Variants in KIF26B observed in about 807,000 individuals in gnomAD.
The protein encoded by KIF26B is kinesin family member 26B.
A neutral mutation model predicts 151.2 loss-of-function variants in KIF26B; 63 were observed. The ratio of observed to expected loss-of-function variants is 0.42; its 90% CI spans 0.34 to 0.51. The LOEUF (loss-of-function observed/expected upper bound fraction) is 0.51, where lower values mean the gene tolerates loss of function less well. Ranked by LOEUF, KIF26B falls within the 20% of genes least tolerant of loss-of-function variation. The pLI is 0.07. For missense variants in KIF26B, 2,813 were observed against 2,913.6 expected, an observed-to-expected ratio of 0.97 and a Z score of 0.79; for synonymous variants, 1,357 against 1,262.1, an observed-to-expected ratio of 1.08 and a Z score of -1.59.
chr1:245,492,806 A>T (rs10924214), intron 4 of KIF26B, among the ~76,000 whole-genome samples: 4 of 152,206 alleles, frequency 2.6e-5, no homozygotes, highest in African/African-American at 7.2e-5. Context: ...TTGGAGATGG[A>T]GTCTTGCTCT....
At chr1:245,450,503 T>C (rs1659363739) in intron 4 of KIF26B, among the ~76,000 whole-genome samples, 1 of 152,244 alleles carries the variant, frequency 6.6e-6, no homozygotes, top group Admixed American at 6.5e-5. Context: ...TTTAGGGTAC[T>C]GTCCAGCCAG....
intron 2 of KIF26B, among the ~76,000 whole-genome samples, chr1:245,251,035 A>C (rs1327241373): frequency 6.6e-6 from 1 of 152,210 alleles, no homozygotes; most frequent in African/African-American, 2.4e-5. Context: ...CCAGTCACAT[A>C]GGACACACTT....
chr1:245,629,571 T>C (rs2043758504), intron 9 of KIF26B, among the ~76,000 whole-genome samples: 1 of 152,182 alleles, frequency 6.6e-6, no homozygotes, highest in African/African-American at 2.4e-5. Flanking sequence ...ACCCCTTCCT[T>C]ACACCTTATA....
chr1:245,271,627 A>G (rs1444736826), intron 2 of KIF26B, among the ~76,000 whole-genome samples: 1 of 121,980 alleles, frequency 8.2e-6, no homozygotes, highest in African/African-American at 3.1e-5. Flanking sequence ...TATTATTTTT[A>G]TCTTTCAGTC....
intron 4 of KIF26B, among the ~76,000 whole-genome samples, chr1:245,538,879 A>G (rs770212021): frequency 3.3e-5 from 5 of 152,130 alleles, no homozygotes; most frequent in South Asian, 4.1e-4. Context: ...CCTTGTGCCA[A>G]TGACTGACCT....
chr1:245,574,036 G>A (rs1470470226), intron 5 of KIF26B, among the ~76,000 whole-genome samples: 1 of 152,214 alleles, frequency 6.6e-6, no homozygotes, highest in Non-Finnish European at 1.5e-5. Flanking sequence ...CTCAAACCTT[G>A]GAAAACAAAA....
chr1:245,410,700 T>A (rs1421232066), intron 3 of KIF26B, among the ~76,000 whole-genome samples: 1 of 152,214 alleles, frequency 6.6e-6, no homozygotes, highest in Non-Finnish European at 1.5e-5. Flanking sequence ...TCTGTCTGCC[T>A]CGGCCCCCCA....
rs577826401 is a variant in KIF26B, at chr1:245,227,197, C to T, written c.465+70514C>T. The stretch of plus-strand genomic sequence containing the variant: ...GTGTGTCTGTCTGGTTGAGCTGAAA[C>T]GTGGGCAGATCAGAAAGGAAGGAAA... On this transcript the variant is annotated intron_variant, in intron 2 of 14. Transcript: ENST00000407071. This position sits in a 1 kb window ranked among gnomAD's most constrained non-coding sequence, Gnocchi z 4.1. Among the ~76,000 whole-genome samples the T allele has an allele frequency of 3.8e-4, 58 of 152,226 alleles. No individual in the cohort carries two copies. The highest frequency in any genetic ancestry group is 1.1e-3 in the African/African-American group (46 of 41,532).
At chr1:245,320,555 G>C (rs1160631860) in intron 2 of KIF26B, among the ~76,000 whole-genome samples, 2 of 152,298 alleles carry the variant, frequency 1.3e-5, no homozygotes, top group South Asian at 2.1e-4. Flanking sequence ...AATGAATAAA[G>C]ACCCAGTGAT....
chr1:245,512,150 A>C lies in KIF26B; in HGVS notation c.1167-28617A>C, dbSNP rs1660852285. Among the ~76,000 whole-genome samples the C allele has an allele frequency of 6.6e-6, 1 of 152,212 alleles. No individual in the cohort carries two copies. Among genetic ancestry groups the C allele is most frequent in the South Asian group, 2.1e-4 (1 of 4,828 alleles). ...TAATGCAGCTATTTCTGGCTTCTTA[A>C]AACTTGCATAGATTTGGAAGTGGGA... On this transcript the variant is annotated intron_variant, in intron 4 of 14. Coordinates refer to ENST00000407071, the MANE Select transcript of KIF26B (RefSeq NM_018012.4). This position sits in a 1 kb window ranked among gnomAD's most constrained non-coding sequence, Gnocchi z 4.3.
At chr1:245,506,131 C>T (rs1373877620) in intron 4 of KIF26B, among the ~76,000 whole-genome samples, 1 of 152,092 alleles carries the variant, frequency 6.6e-6, no homozygotes, top group Non-Finnish European at 1.5e-5. Flanking sequence ...ATGGTATTTT[C>T]CTATAAGCGG....
At chr1:245,254,448 G>A (rs1054488906) in intron 2 of KIF26B, among the ~76,000 whole-genome samples, 5 of 152,098 alleles carry the variant, frequency 3.3e-5, no homozygotes, top group African/African-American at 1.2e-4. Context: ...TGGGGGAGGA[G>A]GGCTTTCCTT....
chr1:245,453,343 T>C (rs1441900514), intron 4 of KIF26B, among the ~76,000 whole-genome samples: 1 of 152,176 alleles, frequency 6.6e-6, no homozygotes, highest in Non-Finnish European at 1.5e-5. Flanking sequence ...TGTCTTTATA[T>C]AAAATATAAA....
At chr1:245,666,874 CACAGCTA>C (rs751261181) in intron 10 of KIF26B, among the ~76,000 whole-genome samples, 22 of 152,156 alleles carry the variant, frequency 1.4e-4, no homozygotes, top group Non-Finnish European at 1.9e-4. Context: ...GTAACCCAGA[CACAGCTA>C]ACAGCGGGGT....
rs1170311820 is a variant in KIF26B at position 245,337,434 on chromosome 1, G to A, written c.466-29400G>A. Among the ~76,000 whole-genome samples, 3 of 151,828 alleles carry A rather than the reference G, an allele frequency of 2.0e-5. No individual in the cohort carries two copies. The South Asian group carries it at 6.3e-4, about 32-fold the overall frequency. ...TGACTTCAAGTGATCCATCCACCTC[G>A]GCCTCCCAAAGTGCTGGGATTACAT... On this transcript the variant is annotated intron_variant, in intron 2 of 14. Transcript: ENST00000407071.
At chr1:245,571,242 TG>T (rs1213102700) in intron 5 of KIF26B, among the ~76,000 whole-genome samples, 6 of 152,224 alleles carry the variant, frequency 3.9e-5, no homozygotes, top group Non-Finnish European at 8.8e-5. Context: ...ATGTTAGTGA[TG>T]TACCTAAGGG....
chr1:245,436,890 C>CTTTTTT lies in KIF26B; in HGVS notation c.1166+17158_1166+17163dup, dbSNP rs539810099. On this transcript the variant is annotated intron_variant, in intron 4 of 14. Transcript: ENST00000407071. ...CTTCTCTCTCTCACTTTCTCCCTCT[C>CTTTTTT]TTTTTTTTTTTTTTTTTTGTGAGTC... Among the ~76,000 whole-genome samples, 23 of 122,330 alleles carry CTTTTTT rather than the reference C, an allele frequency of 1.9e-4. 1 individual carries two copies. Among genetic ancestry groups the CTTTTTT allele is most frequent in the Admixed American group, 2.9e-4 (3 of 10,522 alleles). 80.3% of individuals were successfully genotyped at this position (122,330 alleles called of 152,430 possible).
intron 2 of KIF26B, among the ~76,000 whole-genome samples, chr1:245,236,225 A>C (rs955732465): frequency 6.6e-6 from 1 of 152,076 alleles, no homozygotes; most frequent in African/African-American, 2.4e-5. Flanking sequence ...AGCCTCTGGC[A>C]TCACTTATGT....
At chr1:245,557,058 C>T (rs1185579275) in intron 5 of KIF26B, among the ~76,000 whole-genome samples, 2 of 152,174 alleles carry the variant, frequency 1.3e-5, no homozygotes, top group South Asian at 4.1e-4. Context: ...CTTCCTGTGT[C>T]GCCCAGGAAC....
Sources: allele counts gnomAD v4.1 joint callset (sites outside exome capture counted in the v4.1 genomes callset), GRCh38; gene constraint gnomAD v4.1.1; non-coding constraint Gnocchi (gnomAD v3.1); transcripts MANE v1.5; gene names NCBI Gene and HGNC (gene_info 2026-07-23, HGNC 2026-07-21).